The following ATP7A variants were observed in gnomAD, a reference collection of about 807,000 sequenced individuals.
The protein encoded by ATP7A is copper-transporting ATPase 1.
ATP7A carries 7 observed loss-of-function variants against 83.5 expected under a neutral mutation model. The observed-to-expected ratio is 0.08, with a 90% confidence interval of 0.05 to 0.16. The LOEUF (loss-of-function observed/expected upper bound fraction) is 0.16. Ranked by LOEUF, ATP7A falls within the 10% of genes least tolerant of loss-of-function variation. The pLI is 1.00. For missense variants in ATP7A, 940 were observed against 1,120.8 expected (o/e 0.84, Z 2.30); for synonymous variants, 354 against 395.2 (o/e 0.90, Z 1.24).
At position 77,989,893 on chromosome X, in the gene ATP7A, T is replaced by C. The variant is rs782358866; in HGVS notation, c.1271T>C (p.Leu424Pro). The change falls in exon 4 of 23, where the codon CTA becomes CCA. Residue 424 changes from leucine to proline, a missense_variant. Transcript: ENST00000341514. ...AATGGGACTGTTGAGTATGATCCTC[T>C]ACTAACCTCTCCAGAAACGTTGAGA... ...NSNGTVEYDP[L>P]LTSPETLRGA... The C allele has an allele frequency of 8.3e-7, 1 of 1,210,703 alleles. No individual in the cohort carries two copies. Among genetic ancestry groups the C allele is most frequent in the South Asian group, 1.8e-5 (1 of 56,793 alleles).
At chrX:77,972,442 T>C (rs1369995783) in intron 2 of ATP7A, among the ~76,000 whole-genome samples, 9 of 111,028 alleles carry the variant, frequency 8.1e-5, no homozygotes, top group African/African-American at 2.6e-4. Flanking sequence ...AACCTCCACC[T>C]CCCGGTTCAA....
chrX:78,002,752 G>A (rs1457527585), intron 5 of ATP7A, among the ~76,000 whole-genome samples: 1 of 104,011 alleles, frequency 9.6e-6, no homozygotes, highest in Non-Finnish European at 2.0e-5. Context: ...GATTAGCCAA[G>A]TATTATGAAG....
intron 4 of ATP7A, among the ~76,000 whole-genome samples, chrX:77,995,381 A>G (rs1215761285): frequency 9.1e-6 from 1 of 110,018 alleles, no homozygotes; most frequent in Non-Finnish European, 1.9e-5. Flanking sequence ...CCTGGCCAAC[A>G]TGGTGAAACC....
chrX:77,939,889 C>A (rs1188130362), intron 1 of ATP7A, among the ~76,000 whole-genome samples: 1 of 100,119 alleles, frequency 1.0e-5, no homozygotes. Flanking sequence ...TTGGGGGGGA[C>A]CCCCCAAAAA....
intron 1 of ATP7A, among the ~76,000 whole-genome samples, chrX:77,931,990 C>CG (rs1194523984): frequency 9.8e-6 from 1 of 101,588 alleles, no homozygotes; most frequent in Non-Finnish European, 2.0e-5. Flanking sequence ...GCTGGCTGAG[C>CG]GGGGGGCTGA....
At chrX:77,931,006 T>TA (rs1312270981) in intron 1 of ATP7A, among the ~76,000 whole-genome samples, 2 of 12,835 alleles carry the variant, frequency 1.6e-4, no homozygotes, top group East Asian at 2.3e-3. Flanking sequence ...TTTTTTTTTT[T>TA]ACCTTTTTTT....
chrX:78,039,828 C>T (rs2078036181), intron 18 of ATP7A, among the ~76,000 whole-genome samples: 1 of 112,013 alleles, frequency 8.9e-6, no homozygotes. Flanking sequence ...TTAATGCTTT[C>T]TAATGTTGCT....
At chrX:78,019,469 T>C (rs782349236) in intron 12 of ATP7A, among the ~76,000 whole-genome samples, 2 of 110,946 alleles carry the variant, frequency 1.8e-5, no homozygotes, top group South Asian at 7.7e-4. Flanking sequence ...TTTTGTTTTT[T>C]TGTTGTTGTT....
rs2077655994 is a variant in ATP7A at position 77,989,260 on chromosome X, T to C, written c.638T>C (p.Ile213Thr). 3.3e-6 allele frequency: 4 copies of C among 1,208,389 alleles called. No homozygotes were observed. In the East Asian group the frequency reaches 1.2e-4, roughly 36 times the overall value. Reference sequence around the variant, plus strand: ...TCCCTGGACAATCAAGAAGCTACTATTGTTTATCAACCTCATCTTATCTCA... The same window carrying C: ...TCCCTGGACAATCAAGAAGCTACTACTGTTTATCAACCTCATCTTATCTCA... ...KVSLDNQEAT[I>T]VYQPHLISVE... The change falls in exon 4 of 23, where the codon ATT becomes ACT. Residue 213 changes from isoleucine (I) to threonine (T), a missense_variant. Ile to Thr is a moderately conservative substitution (Grantham distance 89, BLOSUM62 -1). Around this residue, in one of 3 missense-constraint regions of ATP7A, gnomAD observed 350 missense variants for 432.8 expected, o/e 0.81. Coordinates refer to ENST00000341514, the MANE Select transcript of ATP7A (RefSeq NM_000052.7).
intron 12 of ATP7A, among the ~76,000 whole-genome samples, chrX:78,018,477 C>T (rs1451546735): frequency 9.0e-6 from 1 of 111,265 alleles, no homozygotes; most frequent in African/African-American, 3.3e-5. Context: ...GCACTCCAGC[C>T]TGGGCAAGAA....
At chrX:78,002,968 C>T in intron 5 of ATP7A, 105 bp from the exon 6 acceptor site, 1 of 879,210 alleles carries the variant, frequency 1.1e-6, no homozygotes, top group Non-Finnish European at 1.6e-6. Flanking sequence ...TCCTTTAATA[C>T]TTAAGAGAAA....
intron 4 of ATP7A, 50 bp from the exon 5 acceptor site, chrX:77,998,428 A>G: frequency 8.8e-7 from 1 of 1,137,387 alleles, no homozygotes; most frequent in Non-Finnish European, 1.2e-6. Context: ...GCAAGGATGC[A>G]ATTGAATGAT....
chrX:77,940,583 C>T (rs1163650137), intron 1 of ATP7A, among the ~76,000 whole-genome samples: 1 of 110,862 alleles, frequency 9.0e-6, no homozygotes, highest in Non-Finnish European at 1.9e-5. Flanking sequence ...AGCCTGACAC[C>T]AAAGGCATGG....
At chrX:78,032,424 G>A (rs2077988970) in intron 16 of ATP7A, among the ~76,000 whole-genome samples, 1 of 111,705 alleles carries the variant, frequency 9.0e-6, no homozygotes, top group Non-Finnish European at 1.9e-5. Flanking sequence ...ATATACATGA[G>A]GGGTTATACC....
intron 1 of ATP7A, among the ~76,000 whole-genome samples, chrX:77,946,729 T>TAAAAAA (rs782042145): frequency 1.8e-5 from 1 of 55,102 alleles, no homozygotes; most frequent in African/African-American, 6.2e-5. Context: ...TGGCTATTAC[T>TAAAAAA]AAAAAAAAAA....
At chrX:77,918,673 G>A (rs1350647621) in intron 1 of ATP7A, among the ~76,000 whole-genome samples, 1 of 111,245 alleles carries the variant, frequency 9.0e-6, no homozygotes, top group Non-Finnish European at 1.9e-5. Context: ...GAGGTGTCTA[G>A]ATCTACCAGT....
At chrX:78,008,534 A>C (rs372383890) in intron 6 of ATP7A, among the ~76,000 whole-genome samples, 71 of 111,628 alleles carry the variant, frequency 6.4e-4, no homozygotes, top group African/African-American at 2.3e-3. Flanking sequence ...TGAAAAAAAA[A>C]TCCAGCGGGA....
At chrX:78,044,634 C>G (rs2078072909) in intron 21 of ATP7A, among the ~76,000 whole-genome samples, 1 of 111,365 alleles carries the variant, frequency 9.0e-6, no homozygotes, top group Non-Finnish European at 1.9e-5. Context: ...CTATTATAGT[C>G]AGCTGGTATT....
At chrX:78,033,229 C>T (rs1375693738) in intron 16 of ATP7A, among the ~76,000 whole-genome samples, 3 of 112,057 alleles carry the variant, frequency 2.7e-5, no homozygotes, top group Non-Finnish European at 5.6e-5. Flanking sequence ...CTCAGCCTCC[C>T]TAGTAGCTGA....
Sources: gnomAD v4.1 joint callset for allele counts (sites outside exome capture counted in the v4.1 genomes callset) on GRCh38, gnomAD v4.1.1 for gene constraint, gnomAD v4.1.1 regional missense constraint, MANE v1.5 for transcripts, NCBI Gene and HGNC (gene_info 2026-07-23, HGNC 2026-07-21) for gene names.